The following PMFBP1 variants were observed in gnomAD, a reference collection of about 807,000 sequenced individuals.
PMFBP1 encodes the protein polyamine-modulated factor 1-binding protein 1.
PMFBP1 carries 131 observed loss-of-function variants against 137.8 expected under a neutral mutation model. That is an observed-to-expected ratio of 0.95 (90% CI 0.82 to 1.10). The LOEUF is 1.10. Ranked by LOEUF, PMFBP1 falls within the 50% of genes least tolerant of loss-of-function variation. The probability of loss-of-function intolerance (pLI) is 0.00; values close to 1 mark genes in which losing one functional copy is unlikely to be tolerated. For missense variants in PMFBP1, 1,199 were observed against 1,175.4 expected (o/e 1.02, Z -0.29); for synonymous variants, 490 against 450.4 (o/e 1.09, Z -1.11).
At chr16:72,135,740 G>GTTTTTTTTTTTT (rs869189990) in intron 9 of PMFBP1, among the ~76,000 whole-genome samples, 6 of 66,816 alleles carry the variant, frequency 9.0e-5, no homozygotes, top group African/African-American at 1.3e-4. Flanking sequence ...TAATTTTTCT[G>GTTTTTTTTTTTT]TTTTTTTTTT....
chr16:72,191,989 G>A, the PMFBP1 span, among the ~76,000 whole-genome samples: 2 of 152,232 alleles, frequency 1.3e-5, no homozygotes, highest in Admixed American at 6.5e-5. Flanking sequence ...CTATGAAGCA[G>A]AATGATCAAA....
chr16:72,221,034 AGGGT>A, the PMFBP1 span, among the ~76,000 whole-genome samples: 1 of 152,100 alleles, frequency 6.6e-6, no homozygotes, highest in Admixed American at 6.5e-5. Flanking sequence ...AGAGAGAGCA[AGGGT>A]GGGGAAGGAG....
the PMFBP1 span, among the ~76,000 whole-genome samples, chr16:72,219,716 T>A: frequency 1.3e-5 from 2 of 151,892 alleles, no homozygotes; most frequent in African/African-American, 4.8e-5. Flanking sequence ...AGGGATGAGA[T>A]ACAGGTTTGG....
the PMFBP1 span, among the ~76,000 whole-genome samples, chr16:72,230,629 TA>T: frequency 6.6e-6 from 1 of 152,168 alleles, no homozygotes; most frequent in Non-Finnish European, 1.5e-5. Context: ...CCCATTTTGT[TA>T]CCCCAAGCCA....
At chr16:72,155,285 C>G (rs9927526) in intron 3 of PMFBP1, among the ~76,000 whole-genome samples, 91,067 of 151,972 alleles carry the variant, frequency 0.6, 28,258 homozygotes, top group African/African-American at 0.75. Context: ...AGGGTAGCCT[C>G]TGGGCAGTCC....
the PMFBP1 span, among the ~76,000 whole-genome samples, chr16:72,225,786 C>T: frequency 2.0e-5 from 3 of 151,048 alleles, no homozygotes; most frequent in East Asian, 3.9e-4. Context: ...CTTATTTCGA[C>T]ATAATCCTTT....
the PMFBP1 span, among the ~76,000 whole-genome samples, chr16:72,200,720 C>A: frequency 6.6e-6 from 1 of 152,230 alleles, no homozygotes; most frequent in Admixed American, 6.5e-5. Context: ...ATTCTTACAG[C>A]TTTTCAAAGT....
the PMFBP1 span, among the ~76,000 whole-genome samples, chr16:72,228,626 C>T: frequency 6.6e-6 from 1 of 152,172 alleles, no homozygotes; most frequent in Non-Finnish European, 1.5e-5. Flanking sequence ...ACGTCTGGTA[C>T]TGCTAAATGC....
intron 9 of PMFBP1, among the ~76,000 whole-genome samples, chr16:72,134,387 T>G (rs2042594332): frequency 6.6e-6 from 1 of 152,196 alleles, no homozygotes; most frequent in South Asian, 2.1e-4. Context: ...TCTTGCCATG[T>G]TGCCCAGGCT....
In PMFBP1 at chr16:72,139,288, C is replaced by T; in HGVS notation, c.918+1G>A. ...GGCACAGATCAGCAAATTTCTCCCA[C>T]CTTTTTGATGTCTTCACACTCTTCT... On this transcript the variant is annotated splice_donor_variant, in intron 7 of 20. Coordinates refer to ENST00000237353, the MANE Select transcript of PMFBP1 (RefSeq NM_031293.3). LOFTEE classifies it high-confidence loss of function. 1 of 1,611,238 alleles carries T rather than the reference C, an allele frequency of 6.2e-7. No homozygotes were observed. The highest frequency in any genetic ancestry group is 8.5e-7 in the Non-Finnish European group (1 of 1,177,510).
In PMFBP1 at chr16:72,144,599, T is replaced by C. The variant is rs993463583; in HGVS notation, c.637-4017A>G. On this transcript the variant is annotated intron_variant, in intron 5 of 20. Transcript: ENST00000237353. ...AATTCGAGCCTTATGTCATTATACA[T>C]ATAAAATATATATTCCAGATGGACT... Among the ~76,000 whole-genome samples the C allele has an allele frequency of 6.6e-5, 10 of 152,170 alleles. No individual in the cohort carries two copies. The East Asian group carries it at 1.7e-3, about 26-fold the overall frequency.
upstream of PMFBP1, among the ~76,000 whole-genome samples, chr16:72,178,715 A>G (rs1433705722): frequency 1.3e-5 from 2 of 152,182 alleles, no homozygotes; most frequent in Non-Finnish European, 2.9e-5. Context: ...CCCATTCTTA[A>G]GCACATTCTT....
chr16:72,154,083 G>T, intron 4 of PMFBP1, 128 bp downstream of exon 4: 1 of 1,255,912 alleles, frequency 8.0e-7, no homozygotes, highest in Non-Finnish European at 1.1e-6. Flanking sequence ...AAAGGGGGAA[G>T]GTTTATAAAA....
At chr16:72,206,874 C>G in the PMFBP1 span, among the ~76,000 whole-genome samples, 2 of 152,174 alleles carry the variant, frequency 1.3e-5, no homozygotes, top group Non-Finnish European at 2.9e-5. Flanking sequence ...GTGATCTCAA[C>G]ATTTTAAAAA....
upstream of PMFBP1, chr16:72,172,538 C>T (rs1373663107): frequency 1.3e-5 from 2 of 150,870 alleles, no homozygotes; most frequent in Admixed American, 6.6e-5. Flanking sequence ...AAACACTTTG[C>T]TTCTGCTCAC....
intron 7 of PMFBP1, among the ~76,000 whole-genome samples, chr16:72,137,794 C>T (rs2042655520): frequency 1.3e-5 from 2 of 151,958 alleles, no homozygotes; most frequent in South Asian, 2.1e-4. Context: ...TGCCTGGCAT[C>T]GGGGATATTG....
At chr16:72,159,788 CTTCT>C (rs1181585621) in intron 3 of PMFBP1, among the ~76,000 whole-genome samples, 5 of 129,506 alleles carry the variant, frequency 3.9e-5, no homozygotes, top group African/African-American at 6.3e-5. Context: ...TTTCCTATTG[CTTCT>C]TTGTCTTTTT....
chr16:72,138,104 A>C (rs2042661000), intron 7 of PMFBP1, among the ~76,000 whole-genome samples: 1 of 152,202 alleles, frequency 6.6e-6, no homozygotes, highest in Non-Finnish European at 1.5e-5. Flanking sequence ...ATCACTAAAA[A>C]AATGGAGTCT....
intron 9 of PMFBP1, among the ~76,000 whole-genome samples, chr16:72,134,242 C>T (rs1167002193): frequency 2.6e-5 from 4 of 152,194 alleles, no homozygotes; most frequent in Admixed American, 2.6e-4. Flanking sequence ...CAAATTCTTT[C>T]TTCTGAGGAG....
Sources: allele counts gnomAD v4.1 joint callset (sites outside exome capture counted in the v4.1 genomes callset), GRCh38; gene constraint gnomAD v4.1.1; transcripts MANE v1.5; gene names NCBI Gene and HGNC (gene_info 2026-07-23, HGNC 2026-07-21).